The following SLC38A12 variants were observed in gnomAD, a reference collection of about 807,000 sequenced individuals.
SLC38A12 encodes putative sodium-coupled neutral amino acid transporter 12.
the SLC38A12 span, among the ~76,000 whole-genome samples, chr17:74,785,321 T>C: frequency 2.2e-4 from 34 of 152,334 alleles, no homozygotes; most frequent in African/African-American, 7.7e-4. Context: ...GCCTGGCTCC[T>C]TAGGCCCCAG....
chr17:74,805,511 C>T, the SLC38A12 span, among the ~76,000 whole-genome samples: 2 of 152,222 alleles, frequency 1.3e-5, no homozygotes, highest in African/African-American at 4.8e-5. The surrounding 1 kb of genome is among the most constrained non-coding windows in gnomAD (Gnocchi z 5.0). Flanking sequence ...CACTCTGACC[C>T]CCGACTAGGG....
the SLC38A12 span, chr17:74,837,244 G>A: frequency 7.1e-6 from 7 of 985,676 alleles, no homozygotes; most frequent in Non-Finnish European, 8.4e-6. Flanking sequence ...TGCCACCTCA[G>A]AGAGGGCCTG....
At chr17:74,837,059 A>G in the SLC38A12 span, 1 of 1,037,698 alleles carries the variant, frequency 9.6e-7, no homozygotes, top group Non-Finnish European at 1.2e-6. Context: ...CACTGCCATC[A>G]TTTGTCCCAG....
chr17:74,813,574 C>T, the SLC38A12 span, among the ~76,000 whole-genome samples: 4 of 152,180 alleles, frequency 2.6e-5, no homozygotes, highest in African/African-American at 9.7e-5. Flanking sequence ...ACCACAACCT[C>T]ACTACAACCT....
chr17:74,821,743 G>A, the SLC38A12 span, among the ~76,000 whole-genome samples: 2 of 152,202 alleles, frequency 1.3e-5, no homozygotes. Context: ...TGCCTTCCTG[G>A]CCTAAGTCTG....
the SLC38A12 span, chr17:74,819,721 C>G: frequency 1.2e-6 from 2 of 1,606,090 alleles, no homozygotes; most frequent in Non-Finnish European, 1.7e-6. Context: ...GCGGCCTGCA[C>G]CCTCCTCACT....
At chr17:74,797,211 G>A in the SLC38A12 span, among the ~76,000 whole-genome samples, 2 of 152,180 alleles carry the variant, frequency 1.3e-5, no homozygotes, top group African/African-American at 4.8e-5. Flanking sequence ...TTGTTAAATG[G>A]TTCCCTCACT....
At chr17:74,785,144 C>T in the SLC38A12 span, among the ~76,000 whole-genome samples, 1 of 152,168 alleles carries the variant, frequency 6.6e-6, no homozygotes, top group African/African-American at 2.4e-5. Flanking sequence ...GCCTATGATG[C>T]TCTGTCCCCG....
the SLC38A12 span, among the ~76,000 whole-genome samples, chr17:74,799,670 G>T: frequency 6.6e-6 from 1 of 152,336 alleles, no homozygotes; most frequent in East Asian, 1.9e-4. Context: ...CACCGGAAGG[G>T]TCAAGGGTCC....
the SLC38A12 span, among the ~76,000 whole-genome samples, chr17:74,786,193 C>T: frequency 6.6e-6 from 1 of 151,900 alleles, no homozygotes; most frequent in East Asian, 1.9e-4. Flanking sequence ...GGGTGGGTTC[C>T]ACCTGAGGCT....
the SLC38A12 span, among the ~76,000 whole-genome samples, chr17:74,786,714 A>G: frequency 6.6e-6 from 1 of 152,156 alleles, no homozygotes; most frequent in Non-Finnish European, 1.5e-5. Context: ...GCTGAATGGG[A>G]TAGGAAAACG....
chr17:74,829,956 C>A, the SLC38A12 span, among the ~76,000 whole-genome samples: 1 of 152,204 alleles, frequency 6.6e-6, no homozygotes, highest in Non-Finnish European at 1.5e-5. The surrounding 1 kb of genome is among the most constrained non-coding windows in gnomAD (Gnocchi z 4.1). Context: ...CCTCTCCGTA[C>A]CTGCAGCTCA....
At chr17:74,803,730 G>A in the SLC38A12 span, among the ~76,000 whole-genome samples, 1 of 152,142 alleles carries the variant, frequency 6.6e-6, no homozygotes, top group African/African-American at 2.4e-5. Flanking sequence ...CCCTCGAGAA[G>A]CTGAGCCCCG....
chr17:74,837,922 G>T, the SLC38A12 span: 3 of 985,584 alleles, frequency 3.0e-6, no homozygotes, highest in Non-Finnish European at 1.2e-6. Context: ...AGAGCCCCTG[G>T]CCTGGAGCTA....
the SLC38A12 span, among the ~76,000 whole-genome samples, chr17:74,812,216 G>A: frequency 6.6e-6 from 1 of 151,930 alleles, no homozygotes; most frequent in Non-Finnish European, 1.5e-5. Flanking sequence ...CACGCAGCAT[G>A]CTTTGAGGGG....
At chr17:74,814,431 A>C in the SLC38A12 span, among the ~76,000 whole-genome samples, 2 of 152,156 alleles carry the variant, frequency 1.3e-5, no homozygotes, top group South Asian at 2.1e-4. Flanking sequence ...TCCCGGGTGC[A>C]CTCTCTTCTT....
chr17:74,822,690 A>G, the SLC38A12 span, among the ~76,000 whole-genome samples: 2 of 152,260 alleles, frequency 1.3e-5, no homozygotes, highest in African/African-American at 4.8e-5. Flanking sequence ...TCTGTGGCAC[A>G]GCCCTCTCGC....
the SLC38A12 span, among the ~76,000 whole-genome samples, chr17:74,797,323 A>G: frequency 6.6e-6 from 1 of 152,196 alleles, no homozygotes; most frequent in Non-Finnish European, 1.5e-5. Context: ...ACGGGCATTA[A>G]TTACTGCCTT....
the SLC38A12 span, among the ~76,000 whole-genome samples, chr17:74,824,793 C>T: frequency 6.6e-6 from 1 of 152,302 alleles, no homozygotes; most frequent in Non-Finnish European, 1.5e-5. Context: ...GAACTTGAGC[C>T]TGCCTCATGA....
Sources: gnomAD v4.1 joint callset for allele counts (sites outside exome capture counted in the v4.1 genomes callset) on GRCh38, gnomAD v4.1.1 for gene constraint, Gnocchi (gnomAD v3.1) non-coding constraint, MANE v1.5 for transcripts, NCBI Gene and HGNC (gene_info 2026-07-23, HGNC 2026-07-21) for gene names.